The following TP53BP2 variants were observed in gnomAD, a reference collection of about 807,000 sequenced individuals.
TP53BP2 encodes apoptosis-stimulating of p53 protein 2.
TP53BP2 carries 62 observed loss-of-function variants against 126.2 expected under a neutral mutation model. The observed-to-expected ratio is 0.49, with a 90% confidence interval of 0.40 to 0.61. TP53BP2 has a LOEUF of 0.61. Among genes scored for constraint, TP53BP2 ranks in the 20% least tolerant of loss-of-function variants. The pLI is 0.00. For missense variants in TP53BP2, 1,215 were observed against 1,402.8 expected, an observed-to-expected ratio of 0.87 and a Z score of 2.14; for synonymous variants, 485 against 502.9, an observed-to-expected ratio of 0.96 and a Z score of 0.48.
At chr1:223,804,118 C>T in intron 6 of TP53BP2, 56 bp downstream of exon 6, 16 of 1,554,990 alleles carry the variant, frequency 1.0e-5, no homozygotes, top group Non-Finnish European at 1.3e-5. Flanking sequence ...GACCCTGTCT[C>T]AAAAAAACCA....
intron 1 of TP53BP2, among the ~76,000 whole-genome samples, chr1:223,824,837 T>C (rs1201072234): frequency 1.3e-5 from 2 of 151,976 alleles, no homozygotes; most frequent in Non-Finnish European, 2.9e-5. Context: ...AGCGTCCTCT[T>C]TGCTGTTCAT....
intron 1 of TP53BP2, among the ~76,000 whole-genome samples, chr1:223,837,166 G>A (rs576509481): frequency 9.0e-5 from 11 of 122,786 alleles, no homozygotes; most frequent in East Asian, 8.7e-4. Context: ...GGGGGGGGGC[G>A]GGGGGTCAAG....
rs530577696 is a variant in TP53BP2 at position 223,804,508 on chromosome 1, G to A, written c.475-160C>T. Among the ~76,000 whole-genome samples the A allele has an allele frequency of 2.6e-5, 4 of 152,252 alleles. No individual in the cohort carries two copies. The East Asian group carries it at 5.8e-4, about 22-fold the overall frequency. ...AAACACTGCCATCAGAATCACACTGGAAGTCTGTTCAAAACAGATACTCCT... is the reference window on the plus strand; with the variant it reads ...AAACACTGCCATCAGAATCACACTGAAAGTCTGTTCAAAACAGATACTCCT... On this transcript the variant is annotated intron_variant, in intron 5 of 17. Transcript: ENST00000343537.
intron 15 of TP53BP2, 93 bp from the exon 16 acceptor site, chr1:223,789,267 A>G: frequency 1.4e-6 from 2 of 1,440,256 alleles, no homozygotes; most frequent in East Asian, 2.3e-5. Flanking sequence ...TGAGTCTCTC[A>G]TCTACCAAGT....
intron 9 of TP53BP2, among the ~76,000 whole-genome samples, chr1:223,801,350 T>G (rs905242323): frequency 4.6e-5 from 7 of 152,258 alleles, no homozygotes; most frequent in Non-Finnish European, 1.0e-4. Context: ...ATGGTACTAT[T>G]GCTTCACAGT....
chr1:223,789,315 C>T (rs936361658), intron 15 of TP53BP2, 141 bp from the exon 16 acceptor site: 13 of 870,674 alleles, frequency 1.5e-5, no homozygotes, highest in African/African-American at 1.4e-4. Flanking sequence ...TTTTAAAAAC[C>T]AGTTCAACAC....
intron 1 of TP53BP2, among the ~76,000 whole-genome samples, chr1:223,828,334 G>A (rs141164940): frequency 6.6e-6 from 1 of 152,290 alleles, no homozygotes; most frequent in Non-Finnish European, 1.5e-5. Flanking sequence ...ATTAACAGTA[G>A]TTATGCCCTG....
At chr1:223,831,272 T>TAGTC (rs761755534) in intron 1 of TP53BP2, among the ~76,000 whole-genome samples, 107 of 147,048 alleles carry the variant, frequency 7.3e-4, no homozygotes, top group Non-Finnish European at 1.2e-3. Flanking sequence ...CATGTACCTG[T>TAGTC]AGTCCGTCCT....
chr1:223,790,228 G>A (rs1662106373), intron 15 of TP53BP2, among the ~76,000 whole-genome samples: 1 of 151,162 alleles, frequency 6.6e-6, no homozygotes, highest in Non-Finnish European at 1.5e-5. Flanking sequence ...TGCACTCCAG[G>A]GTGACACAGC....
chr1:223,810,610 T>C lies in TP53BP2; in HGVS notation c.290-97A>G, dbSNP rs984252589. The C allele has an allele frequency of 8.3e-6, 7 of 847,656 alleles. No homozygotes were observed. In the African/African-American group the frequency reaches 1.2e-4, roughly 15 times the overall value. 52.5% of individuals were successfully genotyped at this position (847,656 alleles called of 1,614,324 possible). Reference sequence around the variant, plus strand: ...GAGTTCTGTCATTACTGTTTGATATTTTAAGTTGAATGTATTCTTAAAACA... The same window carrying C: ...GAGTTCTGTCATTACTGTTTGATATCTTAAGTTGAATGTATTCTTAAAACA... On this transcript the variant is annotated intron_variant, in intron 3 of 17. Coordinates refer to ENST00000343537, the MANE Select transcript of TP53BP2 (RefSeq NM_001031685.3).
intron 16 of TP53BP2, among the ~76,000 whole-genome samples, chr1:223,786,696 T>C (rs1175172624): frequency 6.6e-6 from 1 of 151,398 alleles, no homozygotes; most frequent in African/African-American, 2.4e-5. Context: ...AAGTTCCTCC[T>C]CCGGGGTTCA....
chr1:223,845,382 C>T (rs1490428306), intron 1 of TP53BP2: 2 of 528,710 alleles, frequency 3.8e-6, no homozygotes, highest in African/African-American at 2.1e-5. Flanking sequence ...GGCTGCTGGG[C>T]TCGCGGGCGG....
chr1:223,830,005 TA>T (rs1200727542), intron 1 of TP53BP2, among the ~76,000 whole-genome samples: 1 of 152,082 alleles, frequency 6.6e-6, no homozygotes, highest in Non-Finnish European at 1.5e-5. Context: ...CAATAAACTC[TA>T]AAGCATACTT....
At chr1:223,830,464 A>C (rs1663658038) in intron 1 of TP53BP2, among the ~76,000 whole-genome samples, 1 of 152,172 alleles carries the variant, frequency 6.6e-6, no homozygotes, top group African/African-American at 2.4e-5. Context: ...CCTACTTAGA[A>C]AGTAAAATAA....
rs115778387 is a variant in TP53BP2 at position 223,836,703 on chromosome 1, A to C, written c.27+8951T>G. 2.7e-3 allele frequency among the ~76,000 whole-genome samples: 413 copies of C among 152,184 alleles called. 1 individual carries two copies. The highest frequency in any genetic ancestry group is 9.4e-3 in the African/African-American group (390 of 41,514). ...GAGAACAGAAAAGGTAAGAAAATAG[A>C]TAAGGAGAGCATTACAACAGTCCAG... On this transcript the variant is annotated intron_variant, in intron 1 of 17. Coordinates refer to ENST00000343537, the MANE Select transcript of TP53BP2 (RefSeq NM_001031685.3).
chr1:223,798,531 C>T lies in TP53BP2; in HGVS notation c.1632G>A (p.Pro544=), dbSNP rs374357734. 5.3e-5 allele frequency: 86 copies of T among 1,614,016 alleles called. No individual in the cohort carries two copies. The highest frequency in any genetic ancestry group is 3.3e-4 in the Middle Eastern group (2 of 6,084). ...CTGGTTTTGGTTTAGTTCCCATGGA[C>T]GGAACAACTGTTGACAACTGCTGAG... ...GSSQQLSTVV[P]SMGTKPKPAG... The change falls in exon 12 of 18, where the codon CCG becomes CCA. Residue 544 remains proline, a synonymous_variant. Coordinates refer to ENST00000343537, the MANE Select transcript of TP53BP2 (RefSeq NM_001031685.3).
At chr1:223,827,640 T>C (rs905720275) in intron 1 of TP53BP2, among the ~76,000 whole-genome samples, 1 of 152,238 alleles carries the variant, frequency 6.6e-6, no homozygotes, top group Non-Finnish European at 1.5e-5. Flanking sequence ...TGAGAGTTTT[T>C]ACAGACCATT....
At position 223,820,489 on chromosome 1, in the gene TP53BP2, C is replaced by G. The variant is rs192325364; in HGVS notation, c.175+731G>C. On this transcript the variant is annotated intron_variant, in intron 2 of 17. Transcript: ENST00000343537. ...GACTGCAGAAGACCTTCTAGAACAT[C>G]CAACTGTAGAAAAGTTAACCAAAGA... is the stretch of plus-strand genomic sequence containing the variant. Among the ~76,000 whole-genome samples the G allele has an allele frequency of 8.7e-4, 133 of 152,284 alleles. 1 individual carries two copies. The highest frequency in any genetic ancestry group is 2.4e-3 in the Admixed American group (37 of 15,302).
At chr1:223,805,746 C>T (rs1662692279) in intron 5 of TP53BP2, among the ~76,000 whole-genome samples, 1 of 152,180 alleles carries the variant, frequency 6.6e-6, no homozygotes, top group South Asian at 2.1e-4. Flanking sequence ...GGTGTTTAGA[C>T]CAGGGGTTGA....
Sources: allele counts gnomAD v4.1 joint callset (sites outside exome capture counted in the v4.1 genomes callset), GRCh38; gene constraint gnomAD v4.1.1; transcripts MANE v1.5; gene names NCBI Gene and HGNC (gene_info 2026-07-23, HGNC 2026-07-21).